The following GBE1 variants were observed in gnomAD, a reference collection of about 807,000 sequenced individuals.
GBE1 encodes the protein 1,4-alpha-glucan-branching enzyme.
A neutral mutation model predicts 88.8 loss-of-function variants in GBE1; 70 were observed. The ratio of observed to expected loss-of-function variants is 0.79; its 90% CI spans 0.65 to 0.96. The LOEUF is 0.96. GBE1 is among the 40% of genes least tolerant of loss of function. The probability of loss-of-function intolerance (pLI) is 0.00; values close to 1 mark genes in which losing one functional copy is unlikely to be tolerated. For missense variants in GBE1, 872 were observed against 871.0 expected, an observed-to-expected ratio of 1.00 and a Z score of -0.01; for synonymous variants, 284 against 300.1, an observed-to-expected ratio of 0.95 and a Z score of 0.56.
intron 2 of GBE1, among the ~76,000 whole-genome samples, chr3:81,682,061 A>T (rs1324103248): frequency 6.6e-6 from 1 of 152,262 alleles, no homozygotes; most frequent in African/African-American, 2.4e-5. Context: ...ATACAAAAAG[A>T]ATATTTAACA....
At position 81,626,205 on chromosome 3, in the gene GBE1, T is replaced by A. The variant is rs146631163; in HGVS notation, c.992+16576A>T. Among the ~76,000 whole-genome samples, 6 of 152,308 alleles carry A rather than the reference T, an allele frequency of 3.9e-5. No homozygotes were observed. The East Asian group carries it at 1.2e-3, about 29-fold the overall frequency. ...ATCCACTCACTAGCTCAAGCTATTA[T>A]CACTATATCTGTATTGGTTAAGGTA... On this transcript the variant is annotated intron_variant, in intron 7 of 15. Transcript: ENST00000429644.
intron 14 of GBE1, among the ~76,000 whole-genome samples, chr3:81,501,089 T>C (rs1194587673): frequency 1.3e-5 from 2 of 152,122 alleles, no homozygotes; most frequent in African/African-American, 4.8e-5. Context: ...CCTGCACATG[T>C]ACCCCCTGAA....
At chr3:81,497,026 T>C (rs1702508386) in intron 15 of GBE1, among the ~76,000 whole-genome samples, 1 of 152,212 alleles carries the variant, frequency 6.6e-6, no homozygotes, top group Non-Finnish European at 1.5e-5. Context: ...TCCTCCTCTA[T>C]GTATTACTGA....
At chr3:81,577,712 G>A (rs1257206551) in intron 12 of GBE1, among the ~76,000 whole-genome samples, 1 of 152,014 alleles carries the variant, frequency 6.6e-6, no homozygotes, top group Non-Finnish European at 1.5e-5. Context: ...TTAAATATCA[G>A]CTTTTAGACT....
chr3:81,749,005 C>A (rs200830225), intron 1 of GBE1, among the ~76,000 whole-genome samples: 2,075 of 106,976 alleles, frequency 0.019, no homozygotes, highest in South Asian at 0.022. Flanking sequence ...GACTCTGTCT[C>A]AAAAAAAAAA....
chr3:81,718,628 GTTTGT>G (rs538458884), intron 1 of GBE1, among the ~76,000 whole-genome samples: 1 of 151,924 alleles, frequency 6.6e-6, no homozygotes, highest in African/African-American at 2.4e-5. Context: ...AGTTTGTTTT[GTTTGT>G]TTTGTTTTGT....
rs146038740 is a variant in GBE1 at position 81,664,969 on chromosome 3, T to C, written c.429+5869A>G. Among the ~76,000 whole-genome samples the C allele has an allele frequency of 4.7e-3, 716 of 152,306 alleles. 4 individuals are homozygous for C. The highest frequency in any genetic ancestry group is 8.0e-3 in the Non-Finnish European group (542 of 68,010). On this transcript the variant is annotated intron_variant, in intron 3 of 15. Transcript: ENST00000429644. ...AAGCCATCACCTGTATATTCTTCAA[T>C]TTATATTATTTCATTACATTCTAGT... is the stretch of plus-strand genomic sequence containing the variant.
intron 1 of GBE1, among the ~76,000 whole-genome samples, chr3:81,710,379 C>G (rs968984583): frequency 6.6e-6 from 1 of 150,992 alleles, no homozygotes; most frequent in Non-Finnish European, 1.5e-5. Flanking sequence ...GGACTACAGG[C>G]ACCCACCACC....
intron 1 of GBE1, among the ~76,000 whole-genome samples, chr3:81,751,351 G>T (rs1365260153): frequency 6.6e-5 from 10 of 152,170 alleles, no homozygotes; most frequent in Non-Finnish European, 1.3e-4. Context: ...AAGAGCCCTG[G>T]GAAGTTGTGA....
At chr3:81,501,686 CTTTTTTT>C (rs35149061) in intron 14 of GBE1, among the ~76,000 whole-genome samples, 183 of 71,984 alleles carry the variant, frequency 2.5e-3, no homozygotes, top group East Asian at 0.023. Flanking sequence ...CTTAGGGGCA[CTTTTTTT>C]TTTTTTTTTT....
intron 7 of GBE1, among the ~76,000 whole-genome samples, chr3:81,616,100 T>C (rs1034648390): frequency 5.9e-5 from 9 of 152,184 alleles, no homozygotes; most frequent in African/African-American, 9.6e-5. Context: ...TGTAGCGTTT[T>C]GACACATTTA....
intron 2 of GBE1, among the ~76,000 whole-genome samples, chr3:81,684,004 G>A (rs1705395834): frequency 6.6e-6 from 1 of 152,168 alleles, no homozygotes; most frequent in Non-Finnish European, 1.5e-5. Flanking sequence ...AGGAAGACTT[G>A]GTGACACTGA....
At chr3:81,691,813 A>T (rs554403282) in intron 2 of GBE1, among the ~76,000 whole-genome samples, 5 of 152,244 alleles carry the variant, frequency 3.3e-5, no homozygotes, top group African/African-American at 1.2e-4. Context: ...AAAATAATAC[A>T]GTTGAATCAA....
rs139570973 is a variant in GBE1, at chr3:81,536,083, G to A, written c.1804-758C>T. Among the ~76,000 whole-genome samples, 17 of 151,992 alleles carry A rather than the reference G, an allele frequency of 1.1e-4. No homozygotes were observed. In the East Asian group the frequency reaches 1.9e-3, roughly 17 times the overall value. On this transcript the variant is annotated intron_variant, in intron 13 of 15. Transcript: ENST00000429644. ...AACAGGGTGCCTTTTGGTATTCAAC[G>A]TTGTTCCTATTGAAAAGGAGCATCA...
chr3:81,642,884 C>T lies in GBE1; in HGVS notation c.889G>A (p.Ala297Thr). 2 of 1,612,452 alleles carry T rather than the reference C, an allele frequency of 1.2e-6. No homozygotes were observed. The highest frequency in any genetic ancestry group is 1.7e-6 in the Non-Finnish European group (2 of 1,178,660). The change falls in exon 7 of 16, where the codon GCA becomes ACA. Residue 297 changes from alanine to threonine, a missense_variant. Physicochemically the swap from Ala to Thr is moderately conservative, Grantham distance 58 (BLOSUM62 0). Transcript: ENST00000429644. ...CCATCAAACATATTCAATCCATCTGCTGAATTTTTTGAAGCATGGCTGTGT... is the reference window on the plus strand; with the variant it reads ...CCATCAAACATATTCAATCCATCTGTTGAATTTTTTGAAGCATGGCTGTGT... The part of the protein sequence containing the change: ...VVHSHASKNS[A>T]DGLNMFDGTD...
chr3:81,747,708 C>T (rs537843784), intron 1 of GBE1, among the ~76,000 whole-genome samples: 2 of 152,292 alleles, frequency 1.3e-5, no homozygotes, highest in Admixed American at 1.3e-4. Context: ...TTGTTCCTGG[C>T]CCACCTTAAC....
At chr3:81,553,585 T>A (rs1183409143) in intron 12 of GBE1, among the ~76,000 whole-genome samples, 1 of 65,978 alleles carries the variant, frequency 1.5e-5, no homozygotes, top group African/African-American at 6.5e-5. Flanking sequence ...GAAAATGTCT[T>A]TTTTTTTTTT....
intron 10 of GBE1, among the ~76,000 whole-genome samples, chr3:81,582,678 T>C (rs1359377586): frequency 6.6e-6 from 1 of 152,114 alleles, no homozygotes; most frequent in Non-Finnish European, 1.5e-5. Context: ...AAGAATTGGA[T>C]ACCCATGGGT....
intron 2 of GBE1, among the ~76,000 whole-genome samples, chr3:81,698,720 T>C (rs1004188126): frequency 2.6e-5 from 4 of 152,154 alleles, no homozygotes; most frequent in African/African-American, 9.7e-5. Flanking sequence ...AGCAGAACTG[T>C]ATACCTGTAG....
Sources: allele counts gnomAD v4.1 joint callset (sites outside exome capture counted in the v4.1 genomes callset), GRCh38; gene constraint gnomAD v4.1.1; transcripts MANE v1.5; gene names NCBI Gene and HGNC (gene_info 2026-07-23, HGNC 2026-07-21).